MID2: variants seen among roughly 807,000 people sequenced by gnomAD.
MID2 encodes the protein midline 2, also known as probable E3 ubiquitin-protein ligase MID2.
In MID2, 13 loss-of-function variants were observed where a neutral mutation model predicts 46.1. That is an observed-to-expected ratio of 0.28 (90% CI 0.18 to 0.45). MID2 has a LOEUF of 0.45. Among genes scored for constraint, MID2 ranks in the 20% least tolerant of loss-of-function variants. MID2 has a pLI of 1.00. For synonymous variants in MID2, 199 were observed against 212.3 expected (o/e 0.94, Z 0.55); for missense variants, 431 against 575.4 (o/e 0.75, Z 2.57).
At chrX:107,924,691 G>A (rs887983236) in intron 8 of MID2, among the ~76,000 whole-genome samples, 187 bp downstream of exon 8, 19 of 111,322 alleles carry the variant, frequency 1.7e-4, no homozygotes, top group Non-Finnish European at 3.2e-4. Flanking sequence ...TGGACTCAGA[G>A]ATATGCACAA....
rs753342669 is a variant in MID2, at chrX:107,857,586, C to T, written c.816+2882C>T. 2.7e-4 allele frequency among the ~76,000 whole-genome samples: 30 copies of T among 112,015 alleles called. No individual in the cohort carries two copies. In the South Asian group the frequency reaches 0.01, roughly 38 times the overall value. The stretch of plus-strand genomic sequence containing the variant: ...GTGAGCCACCGGGCCCGGCCAACTT[C>T]CTCTTAATAATAACAACGGTGAATC... On this transcript the variant is annotated intron_variant, in intron 3 of 9. Coordinates refer to ENST00000262843, the MANE Select transcript of MID2 (RefSeq NM_012216.4).
At chrX:107,876,683 T>C (rs1045052291) in intron 3 of MID2, among the ~76,000 whole-genome samples, 2 of 108,565 alleles carry the variant, frequency 1.8e-5, no homozygotes, top group Non-Finnish European at 3.9e-5. Context: ...CAAATCCCTC[T>C]GTCAGCTGCA....
chrX:107,926,809 C>A lies in MID2; in HGVS notation c.1944C>A (p.Pro648=). The part of the protein sequence containing the change: ...HNNKEMLVDV[P]PHLKRLGVLL... ...ACAAGGAAATGCTGGTGGATGTGCC[C>A]CCACACCTGAAGCGTCTGGGTGTCC... Residue 648 remains proline (P), a synonymous_variant, in exon 10 of 10, where the codon CCC becomes CCA. Transcript: ENST00000262843. The A allele has an allele frequency of 1.7e-6, 2 of 1,211,447 alleles. No individual in the cohort carries two copies. The highest frequency in any genetic ancestry group is 2.2e-6 in the Non-Finnish European group (2 of 895,307).
intron 3 of MID2, chrX:107,895,156 T>C (rs1005535554): frequency 2.8e-5 from 3 of 108,969 alleles, no homozygotes; most frequent in African/African-American, 1.0e-4. Context: ...ATAATTCTAT[T>C]GAGCAAACTA....
intron 5 of MID2, among the ~76,000 whole-genome samples, chrX:107,914,834 G>T (rs1472549131): frequency 8.9e-6 from 1 of 112,383 alleles, no homozygotes; most frequent in Non-Finnish European, 1.9e-5. Flanking sequence ...AATGGTTAAG[G>T]TTATAGAATT....
chrX:107,901,459 G>A (rs1467307606), intron 3 of MID2, among the ~76,000 whole-genome samples: 1 of 111,847 alleles, frequency 8.9e-6, no homozygotes, highest in African/African-American at 3.3e-5. Flanking sequence ...GACTTACTGA[G>A]TTTAGGGTAA....
chrX:107,925,467 G>A (rs1377318347), intron 8 of MID2, among the ~76,000 whole-genome samples: 5 of 111,952 alleles, frequency 4.5e-5, no homozygotes, highest in Non-Finnish European at 7.5e-5. Flanking sequence ...CACAATAAAT[G>A]TTTTCTCTGA....
intron 3 of MID2, among the ~76,000 whole-genome samples, chrX:107,869,588 A>G (rs1932024225): frequency 9.0e-6 from 1 of 111,381 alleles, no homozygotes; most frequent in South Asian, 3.7e-4. Context: ...ATCCAGAATC[A>G]CGGTATATCT....
At chrX:107,887,607 A>C (rs1376523783) in intron 3 of MID2, among the ~76,000 whole-genome samples, 1 of 111,579 alleles carries the variant, frequency 9.0e-6, no homozygotes, top group Non-Finnish European at 1.9e-5. Context: ...TGTCTCTACC[A>C]GGCTTTGGTA....
At chrX:107,890,580 G>C (rs1461450176) in intron 3 of MID2, among the ~76,000 whole-genome samples, 1 of 112,384 alleles carries the variant, frequency 8.9e-6, no homozygotes, top group Admixed American at 9.4e-5. Flanking sequence ...TCCACTTGAA[G>C]AGGCAGTCTG....
In MID2 at chrX:107,877,966, A is replaced by G. The variant is rs1932236392; in HGVS notation, c.816+23262A>G. 4.6e-5 allele frequency among the ~76,000 whole-genome samples: 5 copies of G among 109,351 alleles called. No homozygotes were observed. In the Admixed American group the frequency reaches 4.8e-4, roughly 11 times the overall value. 95.0% of individuals were successfully genotyped at this position (109,351 alleles called of 115,157 possible). A position where few individuals can be genotyped will look rare whatever the true frequency, so the allele number is the denominator to read the frequency against. ...CCTCCATTGCTGCCCTATCATAACC[A>G]GAGTGCCGAGGTAGGAAAAGAACCC... On this transcript the variant is annotated intron_variant, in intron 3 of 9. Transcript: ENST00000262843.
intron 5 of MID2, among the ~76,000 whole-genome samples, chrX:107,909,648 T>A (rs1932868188): frequency 1.8e-5 from 2 of 112,066 alleles, no homozygotes; most frequent in South Asian, 7.5e-4. Flanking sequence ...CAAACGCTCC[T>A]GTAGTTTCTT....
In MID2 at chrX:107,888,780, T is replaced by G. The variant is rs1190879777; in HGVS notation, c.817-15178T>G. On this transcript the variant is annotated intron_variant, in intron 3 of 9. Transcript: ENST00000262843. ...GTCTCTTTGTAGGCCTCTAAGGACT[T>G]GCTTTATGAATCTGGGTGCTCCTGT... Among the ~76,000 whole-genome samples the G allele has an allele frequency of 2.7e-5, 3 of 111,921 alleles. No individual in the cohort carries two copies. In the East Asian group the frequency reaches 8.3e-4, roughly 31 times the overall value.
chrX:107,832,158 A>C (rs1931102660), intron 1 of MID2, among the ~76,000 whole-genome samples: 1 of 112,573 alleles, frequency 8.9e-6, no homozygotes, highest in Admixed American at 9.4e-5. Context: ...ATAACCTATT[A>C]GACAGGAGCT....
intron 1 of MID2, among the ~76,000 whole-genome samples, chrX:107,832,072 T>A (rs958642576): frequency 3.6e-5 from 4 of 112,448 alleles, no homozygotes; most frequent in Admixed American, 1.9e-4. Flanking sequence ...AAATACTCAA[T>A]GTTTGGATTT....
At chrX:107,879,387 T>C (rs1469864156) in intron 3 of MID2, among the ~76,000 whole-genome samples, 1 of 112,049 alleles carries the variant, frequency 8.9e-6, no homozygotes. Context: ...AGTCTTCCCC[T>C]GTAGTCCAGC....
intron 3 of MID2, among the ~76,000 whole-genome samples, chrX:107,888,318 T>C (rs557713522): frequency 1.8e-5 from 2 of 112,248 alleles, no homozygotes; most frequent in African/African-American, 6.5e-5. Context: ...GGTTCTGGTA[T>C]GTTGTGTCTT....
chrX:107,878,699 T>C (rs974980403), intron 3 of MID2, among the ~76,000 whole-genome samples: 1 of 111,949 alleles, frequency 8.9e-6, no homozygotes, highest in East Asian at 2.8e-4. Flanking sequence ...TGGTCCCACA[T>C]GATGGCTAGA....
chrX:107,872,019 C>T (rs1932079475), intron 3 of MID2, among the ~76,000 whole-genome samples: 1 of 112,132 alleles, frequency 8.9e-6, no homozygotes, highest in African/African-American at 3.2e-5. Flanking sequence ...CCAGAATTTC[C>T]CTGCCTCCTG....
Sources: allele counts gnomAD v4.1 joint callset (sites outside exome capture counted in the v4.1 genomes callset), GRCh38; gene constraint gnomAD v4.1.1; transcripts MANE v1.5; gene names NCBI Gene and HGNC (gene_info 2026-07-23, HGNC 2026-07-21).